The following MAP1B variants were observed in gnomAD, a reference collection of about 807,000 sequenced individuals.
MAP1B encodes microtubule-associated protein 1B.
In MAP1B, 12 loss-of-function variants were observed where a neutral mutation model predicts 176.1. The observed-to-expected ratio is 0.07, with a 90% CI of 0.04 to 0.11. The LOEUF is 0.11. MAP1B is among the 10% of genes least tolerant of loss of function. MAP1B has a pLI of 1.00. For synonymous variants in MAP1B, 1,044 were observed against 1,135.0 expected (o/e 0.92, Z 1.61); for missense variants, 2,523 against 2,990.5 (o/e 0.84, Z 3.65).
chr5:72,193,443 T>G (rs1747072870), intron 4 of MAP1B: 1 of 298,794 alleles, frequency 3.3e-6, no homozygotes, highest in African/African-American at 2.3e-5. Context: ...TAGTTTAACG[T>G]TTTTTTTTAA....
intron 2 of MAP1B, among the ~76,000 whole-genome samples, chr5:72,164,134 T>A (rs1394579379): frequency 6.6e-6 from 1 of 151,942 alleles, no homozygotes; most frequent in African/African-American, 2.4e-5. Flanking sequence ...TCTTGTTATG[T>A]TGCCCAGGCT....
At position 72,128,245 on chromosome 5, in the gene MAP1B, C is replaced by T. The variant is rs375571229; in HGVS notation, c.286+12446C>T. 6.8e-4 allele frequency among the ~76,000 whole-genome samples: 103 copies of T among 152,116 alleles called. 1 individual carries two copies. Among genetic ancestry groups the T allele is most frequent in the African/African-American group, 2.2e-3 (92 of 41,500 alleles). ...ATTATACTGTAAACATGAGGGTGTG[C>T]GGATTAGTAGCGATTTCTTATCACT... On this transcript the variant is annotated intron_variant, in intron 2 of 6. Coordinates refer to ENST00000296755, the MANE Select transcript of MAP1B (RefSeq NM_005909.5).
intron 2 of MAP1B, among the ~76,000 whole-genome samples, chr5:72,145,220 A>G (rs745367331): frequency 6.6e-6 from 1 of 152,206 alleles, no homozygotes; most frequent in Non-Finnish European, 1.5e-5. Context: ...CACAGTATGA[A>G]ATGATAGAAA....
intron 1 of MAP1B, among the ~76,000 whole-genome samples, chr5:72,109,535 T>C (rs1277355728): frequency 6.6e-6 from 1 of 152,184 alleles, no homozygotes; most frequent in Non-Finnish European, 1.5e-5. Context: ...TAGGAATATA[T>C]TAGGAGGTGC....
rs1747489528 is a variant in MAP1B, at chr5:72,207,967, T to C, written c.*2728T>C. On this transcript the variant is annotated 3_prime_UTR_variant, in exon 7 of 7. Coordinates refer to ENST00000296755, the MANE Select transcript of MAP1B (RefSeq NM_005909.5). ...CACTTTCTCTCTCTCTCTCTCTTTT[T>C]TTTTTTTTTTTTTTTTGCTATGGGA... 1 of 93,510 alleles carries C rather than the reference T, an allele frequency of 1.1e-5. No homozygotes were observed. Among genetic ancestry groups the C allele is most frequent in the Non-Finnish European group, 3.1e-5 (1 of 31,764 alleles). 5.8% of individuals were successfully genotyped at this position (93,510 alleles called of 1,614,324 possible). A position where few individuals can be genotyped will look rare whatever the true frequency, so the allele number is the denominator to read the frequency against.
chr5:72,139,081 A>G (rs1309995142), intron 2 of MAP1B, among the ~76,000 whole-genome samples: 1 of 152,186 alleles, frequency 6.6e-6, no homozygotes, highest in Non-Finnish European at 1.5e-5. Flanking sequence ...AATAGAGCTC[A>G]TTTGAGTCAG....
In MAP1B at chr5:72,198,126, T is replaced by C. The variant is rs1204755670; in HGVS notation, c.4771T>C (p.Ser1591Pro). The change falls in exon 5 of 7, where the codon TCA becomes CCA. Residue 1591 changes from serine to proline, a missense_variant. Transcript: ENST00000296755. The part of the protein sequence containing the change: ...PHSTEVDDSL[S>P]VSVVQTPTTF... ...TTCCACAGAAGTAGATGACTCCCTT[T>C]CAGTGTCTGTTGTGCAAACACCTAC... The C allele has an allele frequency of 2.5e-6, 4 of 1,614,068 alleles. No individual in the cohort carries two copies. Among genetic ancestry groups the C allele is most frequent in the East Asian group, 2.2e-5 (1 of 44,900 alleles).
At position 72,197,930 on chromosome 5, in the gene MAP1B, T is replaced by C. The variant is rs1554055222; in HGVS notation, c.4575T>C (p.Thr1525=). 6.2e-7 allele frequency: 1 copy of C among 1,614,224 alleles called. No individual in the cohort carries two copies. The highest frequency in any genetic ancestry group is 1.1e-5 in the South Asian group (1 of 91,086). ...CTAAGATGTCCATTTCTGAAGGTAC[T>C]GTCTCAGACAAGTCAGCTACTCCTG... ...EDTKMSISEG[T]VSDKSATPVD... The change falls in exon 5 of 7, where the codon ACT becomes ACC. Residue 1525 remains threonine (T), a synonymous_variant. Transcript: ENST00000296755.
At chr5:72,182,044 T>TTTTG (rs70999267) in intron 2 of MAP1B, among the ~76,000 whole-genome samples, 2 of 103,892 alleles carry the variant, frequency 1.9e-5, no homozygotes, top group East Asian at 2.6e-4. Context: ...TTTTTTTTTT[T>TTTTG]GGAGACACGG....
At chr5:72,125,688 G>C (rs1561292262) in intron 2 of MAP1B, among the ~76,000 whole-genome samples, 1 of 151,346 alleles carries the variant, frequency 6.6e-6, no homozygotes, top group African/African-American at 2.4e-5. Flanking sequence ...AAAAATCTGT[G>C]TGCATAAAAA....
intron 2 of MAP1B, among the ~76,000 whole-genome samples, chr5:72,130,672 A>C (rs1745714531): frequency 6.6e-6 from 1 of 152,218 alleles, no homozygotes; most frequent in African/African-American, 2.4e-5. Context: ...CTTGAACTCC[A>C]TGGACAGAGC....
At chr5:72,176,381 G>A (rs1463516726) in intron 2 of MAP1B, among the ~76,000 whole-genome samples, 1 of 152,246 alleles carries the variant, frequency 6.6e-6, no homozygotes. Flanking sequence ...TCACAGCACT[G>A]ACCTTGGCCT....
chr5:72,118,024 C>T (rs1196292257), intron 2 of MAP1B, among the ~76,000 whole-genome samples: 1 of 152,154 alleles, frequency 6.6e-6, no homozygotes, highest in Non-Finnish European at 1.5e-5. Flanking sequence ...CCCAGGGAAG[C>T]CTTTAGCTTT....
chr5:72,199,316 C>T lies in MAP1B; in HGVS notation c.5961C>T (p.Ile1987=), dbSNP rs764721309. 6.2e-7 allele frequency: 1 copy of T among 1,614,128 alleles called. No individual in the cohort carries two copies. The highest frequency in any genetic ancestry group is 1.1e-5 in the South Asian group (1 of 91,082). Residue 1987 remains isoleucine, a synonymous_variant, in exon 5 of 7, where the codon ATC becomes ATT. Coordinates refer to ENST00000296755, the MANE Select transcript of MAP1B (RefSeq NM_005909.5). The surrounding 1 kb of genome is among the most constrained non-coding windows in gnomAD (Gnocchi z 4.2). ...GGTCTAGAAGGCTTCTGGATGACATCAGCAATGGCTATGATGACTCTGAGG... is the reference window on the plus strand; with the variant it reads ...GGTCTAGAAGGCTTCTGGATGACATTAGCAATGGCTATGATGACTCTGAGG... ...TERSRRLLDD[I]SNGYDDSEDG...
chr5:72,181,526 T>C (rs773160868), intron 2 of MAP1B, among the ~76,000 whole-genome samples: 13 of 152,148 alleles, frequency 8.5e-5, no homozygotes, highest in Non-Finnish European at 1.8e-4. Flanking sequence ...ATTAATTACA[T>C]TCACAAGGTT....
Position 72,208,918 on chromosome 5 carries a change from G to C in MAP1B, c.*3679G>C, listed in dbSNP as rs890930210. 2 of 151,858 alleles carry C rather than the reference G, an allele frequency of 1.3e-5. No homozygotes were observed. Among genetic ancestry groups the C allele is most frequent in the African/African-American group, 4.8e-5 (2 of 41,342 alleles). The allele number at this position is 151,858 out of a possible 1,614,324, so 9.4% of individuals were successfully genotyped here. On this transcript the variant is annotated 3_prime_UTR_variant, in exon 7 of 7. Coordinates refer to ENST00000296755, the MANE Select transcript of MAP1B (RefSeq NM_005909.5). ...TTTTTTTTTTTGTGCTTCAGATTTA[G>C]AAGAAAAGATCCTGTTTCCATTTGA...
At chr5:72,117,666 T>C (rs1380012579) in intron 2 of MAP1B, among the ~76,000 whole-genome samples, 3 of 152,218 alleles carry the variant, frequency 2.0e-5, no homozygotes, top group Admixed American at 2.0e-4. Context: ...AAGGATTAGT[T>C]ACCTACCTAG....
intron 2 of MAP1B, among the ~76,000 whole-genome samples, chr5:72,132,192 G>A (rs150077113): frequency 6.6e-5 from 10 of 152,230 alleles, no homozygotes; most frequent in African/African-American, 9.6e-5. Context: ...ATTCAGTTGC[G>A]AAGTAATTTT....
intron 2 of MAP1B, among the ~76,000 whole-genome samples, chr5:72,178,793 G>C (rs1014806350): frequency 1.3e-5 from 2 of 149,630 alleles, no homozygotes; most frequent in African/African-American, 4.9e-5. Flanking sequence ...AAACTCTGTG[G>C]AGAAGAGATC....
Sources: gnomAD v4.1 joint callset for allele counts (sites outside exome capture counted in the v4.1 genomes callset) on GRCh38, gnomAD v4.1.1 for gene constraint, Gnocchi (gnomAD v3.1) non-coding constraint, MANE v1.5 for transcripts, NCBI Gene and HGNC (gene_info 2026-07-23, HGNC 2026-07-21) for gene names.